CNTN1: variants seen among roughly 807,000 people sequenced by gnomAD.
CNTN1 encodes the protein contactin 1.
CNTN1 carries 38 observed loss-of-function variants against 126.4 expected under a neutral mutation model. That is an observed-to-expected ratio of 0.30 (90% CI 0.23 to 0.39). The LOEUF (loss-of-function observed/expected upper bound fraction) is 0.39. Among genes scored for constraint, CNTN1 ranks in the 10% least tolerant of loss-of-function variants. The probability of loss-of-function intolerance (pLI) is 1.00; values close to 1 mark genes in which losing one functional copy is unlikely to be tolerated. For missense variants in CNTN1, 1,009 were observed against 1,248.4 expected (o/e 0.81, Z 2.89); for synonymous variants, 413 against 422.6 (o/e 0.98, Z 0.28).
intron 17 of CNTN1, among the ~76,000 whole-genome samples, chr12:40,998,131 T>C (rs1179015861): frequency 6.6e-6 from 1 of 152,178 alleles, no homozygotes; most frequent in Non-Finnish European, 1.5e-5. Flanking sequence ...GAAGAATCTA[T>C]TGCCAAATAC....
chr12:40,978,628 C>T (rs1265609374), intron 15 of CNTN1: 1 of 152,020 alleles, frequency 6.6e-6, no homozygotes, highest in African/African-American at 2.4e-5. Context: ...TAGTGTTTTG[C>T]TCAACAATAT....
At chr12:40,878,225 G>A (rs1943742291) in intron 1 of CNTN1, among the ~76,000 whole-genome samples, 1 of 150,884 alleles carries the variant, frequency 6.6e-6, no homozygotes, top group African/African-American at 2.4e-5. Context: ...TCGAACTCCT[G>A]ACCTCAGGTG....
At chr12:40,951,379 T>A (rs1946672242) in intron 14 of CNTN1, among the ~76,000 whole-genome samples, 1 of 152,186 alleles carries the variant, frequency 6.6e-6, no homozygotes, top group Admixed American at 6.5e-5. Flanking sequence ...TTGCCTTATT[T>A]ATTTTTTTGT....
At chr12:40,993,687 C>T (rs377723046) in intron 17 of CNTN1, among the ~76,000 whole-genome samples, 35 of 152,194 alleles carry the variant, frequency 2.3e-4, no homozygotes, top group Middle Eastern at 3.4e-3. Context: ...GTGTCTCTCT[C>T]GAACTCATTT....
chr12:40,694,612 G>A (rs770053128), intron 1 of CNTN1, among the ~76,000 whole-genome samples: 9 of 152,098 alleles, frequency 5.9e-5, no homozygotes, highest in Non-Finnish European at 1.3e-4. Context: ...AAGTTTATTC[G>A]GTTCTAGTCT....
chr12:40,857,207 T>C (rs1361043467), intron 1 of CNTN1, among the ~76,000 whole-genome samples: 1 of 152,072 alleles, frequency 6.6e-6, no homozygotes, highest in Non-Finnish European at 1.5e-5. Context: ...TGAAGGTTGG[T>C]GCTGGTAGAC....
intron 1 of CNTN1, among the ~76,000 whole-genome samples, chr12:40,799,967 G>C (rs1378123007): frequency 6.6e-6 from 1 of 151,966 alleles, no homozygotes; most frequent in African/African-American, 2.4e-5. Flanking sequence ...TCCAAAGTGT[G>C]AGAAATGAAA....
At chr12:40,802,200 AG>A (rs1482405777) in intron 1 of CNTN1, among the ~76,000 whole-genome samples, 1 of 151,950 alleles carries the variant, frequency 6.6e-6, no homozygotes, top group Non-Finnish European at 1.5e-5. Context: ...TCTTGGTTGG[AG>A]ACAGAGTTTG....
At chr12:41,006,799 A>G (rs1948503123) in intron 17 of CNTN1, among the ~76,000 whole-genome samples, 1 of 152,188 alleles carries the variant, frequency 6.6e-6, no homozygotes. Context: ...AAGCATTTGC[A>G]TGGGAAAAGG....
chr12:40,952,186 A>G (rs1048680115), intron 14 of CNTN1, among the ~76,000 whole-genome samples: 2 of 152,124 alleles, frequency 1.3e-5, no homozygotes, highest in Non-Finnish European at 2.9e-5. Flanking sequence ...ACTTGGTGAA[A>G]CTAGGGCTAT....
chr12:40,999,952 C>T (rs566108031), intron 17 of CNTN1, among the ~76,000 whole-genome samples: 5 of 151,988 alleles, frequency 3.3e-5, no homozygotes, highest in African/African-American at 9.6e-5. Context: ...GTGATCCGCC[C>T]GCCTCAGCCT....
intron 14 of CNTN1, among the ~76,000 whole-genome samples, chr12:40,956,909 G>A (rs930707550): frequency 1.3e-5 from 2 of 152,030 alleles, no homozygotes; most frequent in African/African-American, 4.8e-5. Context: ...AGGGGTTCAG[G>A]TGAGAGATGT....
intron 23 of CNTN1, among the ~76,000 whole-genome samples, chr12:41,050,092 G>T (rs1592462278): frequency 6.6e-6 from 1 of 152,072 alleles, no homozygotes; most frequent in African/African-American, 2.4e-5. Flanking sequence ...TAGAGACAGG[G>T]TTTTGCCATG....
At chr12:40,919,581 GTTAATT>G (rs1265505622) in intron 4 of CNTN1, among the ~76,000 whole-genome samples, 2 of 152,034 alleles carry the variant, frequency 1.3e-5, no homozygotes, top group Middle Eastern at 3.2e-3. Flanking sequence ...ACTCAACAAA[GTTAATT>G]TTAATATTTT....
At chr12:40,897,779 C>T (rs1944463365) in intron 1 of CNTN1, among the ~76,000 whole-genome samples, 1 of 152,162 alleles carries the variant, frequency 6.6e-6, no homozygotes, top group African/African-American at 2.4e-5. Context: ...AGTATCTGTT[C>T]TGGTAATGAA....
chr12:40,764,269 G>T (rs1056721706), intron 1 of CNTN1, among the ~76,000 whole-genome samples: 5 of 152,182 alleles, frequency 3.3e-5, no homozygotes, highest in Admixed American at 2.6e-4. Flanking sequence ...CTTTATTCAA[G>T]ACTATTGCAG....
intron 12 of CNTN1, among the ~76,000 whole-genome samples, chr12:40,940,637 T>C (rs1010055025): frequency 2.0e-5 from 3 of 152,130 alleles, no homozygotes; most frequent in African/African-American, 7.2e-5. Context: ...TTGTAAGACA[T>C]TGATATAAAT....
At chr12:40,982,467 A>T (rs1566086809) in intron 16 of CNTN1, among the ~76,000 whole-genome samples, 1 of 152,174 alleles carries the variant, frequency 6.6e-6, no homozygotes, top group South Asian at 2.1e-4. Flanking sequence ...AATCATTTTC[A>T]TTATTTATGT....
At chr12:41,021,178 T>A (rs1345641058) in intron 20 of CNTN1, among the ~76,000 whole-genome samples, 1 of 152,196 alleles carries the variant, frequency 6.6e-6, no homozygotes, top group African/African-American at 2.4e-5. Context: ...AGCAAATGGA[T>A]ACCAAAGAGA....
Sources: allele counts gnomAD v4.1 joint callset (sites outside exome capture counted in the v4.1 genomes callset), GRCh38; gene constraint gnomAD v4.1.1; transcripts MANE v1.5; gene names NCBI Gene and HGNC (gene_info 2026-07-23, HGNC 2026-07-21).